The following EXOC6B variants were observed in gnomAD, a reference collection of about 807,000 sequenced individuals.
EXOC6B encodes the protein exocyst complex component 6B.
EXOC6B carries 54 observed loss-of-function variants against 113.5 expected under a neutral mutation model. That is an observed-to-expected ratio of 0.48 (90% CI 0.38 to 0.60). The LOEUF is 0.60. Ranked by LOEUF, EXOC6B falls within the 20% of genes least tolerant of loss-of-function variation. EXOC6B has a pLI of 0.00. For synonymous variants in EXOC6B, 357 were observed against 339.0 expected (o/e 1.05, Z -0.58); for missense variants, 797 against 977.5 (o/e 0.82, Z 2.46).
intron 20 of EXOC6B, among the ~76,000 whole-genome samples, chr2:72,308,864 T>A (rs953829367): frequency 1.3e-5 from 2 of 152,232 alleles, no homozygotes; most frequent in Middle Eastern, 3.4e-3. Context: ...TTACTTTTTA[T>A]TAGTAGGAAA....
chr2:72,319,468 A>T (rs1324035362), intron 20 of EXOC6B, among the ~76,000 whole-genome samples: 1 of 152,196 alleles, frequency 6.6e-6, no homozygotes, highest in Non-Finnish European at 1.5e-5. Context: ...TTATTCACAG[A>T]TGCTGTAATT....
intron 8 of EXOC6B, among the ~76,000 whole-genome samples, chr2:72,556,916 C>A: frequency 6.6e-6 from 1 of 150,508 alleles, no homozygotes; most frequent in African/African-American, 2.4e-5. Flanking sequence ...TCAGTATCTA[C>A]AATATATGAG....
intron 20 of EXOC6B, among the ~76,000 whole-genome samples, chr2:72,197,259 G>T (rs77163565): frequency 4.6e-5 from 7 of 152,286 alleles, no homozygotes; most frequent in Admixed American, 3.9e-4. Flanking sequence ...TCCCAAAAAG[G>T]TTAAAAGAAT....
At chr2:72,365,263 A>G (rs1257957720) in intron 19 of EXOC6B, among the ~76,000 whole-genome samples, 1 of 152,100 alleles carries the variant, frequency 6.6e-6, no homozygotes, top group Non-Finnish European at 1.5e-5. Context: ...ACCCCTAAAA[A>G]TCTTGAAAAG....
intron 18 of EXOC6B, among the ~76,000 whole-genome samples, chr2:72,420,560 C>T (rs1316992070): frequency 6.6e-6 from 1 of 152,178 alleles, no homozygotes; most frequent in East Asian, 1.9e-4. Flanking sequence ...CTGCAAAGGA[C>T]ATGAGCTCAT....
intron 6 of EXOC6B, among the ~76,000 whole-genome samples, chr2:72,650,233 C>T (rs1355252285): frequency 2.6e-5 from 4 of 152,228 alleles, no homozygotes; most frequent in African/African-American, 9.6e-5. Context: ...CCATCCCCTA[C>T]ATCAGTTTGT....
rs142265326 is a variant in EXOC6B at position 72,560,690 on chromosome 2, C to T, written c.847-1169G>A. On this transcript the variant is annotated intron_variant, in intron 7 of 21. Transcript: ENST00000272427. ...TATTGACTATTCTGTTCATCTGCTTCGCACCCATGAGAGCAAAGATTAAAT... is the reference window on the plus strand; with the variant it reads ...TATTGACTATTCTGTTCATCTGCTTTGCACCCATGAGAGCAAAGATTAAAT... 4.1e-3 allele frequency among the ~76,000 whole-genome samples: 630 copies of T among 152,106 alleles called. 6 individuals carry two copies. The highest frequency in any genetic ancestry group is 0.015 in the African/African-American group (607 of 41,500).
At chr2:72,672,970 T>C (rs1325367303) in intron 6 of EXOC6B, among the ~76,000 whole-genome samples, 1 of 152,178 alleles carries the variant, frequency 6.6e-6, no homozygotes, top group Non-Finnish European at 1.5e-5. Context: ...AAAAGATACA[T>C]ATTTAAGGTG....
At chr2:72,408,163 G>A (rs1203277979) in intron 18 of EXOC6B, among the ~76,000 whole-genome samples, 4 of 152,124 alleles carry the variant, frequency 2.6e-5, no homozygotes, top group Admixed American at 1.3e-4. Flanking sequence ...TACAAGGGAC[G>A]TGAAGGACCT....
intron 19 of EXOC6B, among the ~76,000 whole-genome samples, chr2:72,375,126 C>G (rs1395252557): frequency 2.0e-5 from 3 of 151,914 alleles, no homozygotes; most frequent in Non-Finnish European, 4.4e-5. Context: ...AGGGACATAT[C>G]AGTTCTAAGT....
chr2:72,224,724 T>C (rs551093539), intron 20 of EXOC6B, among the ~76,000 whole-genome samples: 1 of 151,966 alleles, frequency 6.6e-6, no homozygotes, highest in South Asian at 2.1e-4. Context: ...CAACCTCCTG[T>C]GCTCAAGTGA....
At chr2:72,641,950 C>T (rs372118359) in intron 6 of EXOC6B, among the ~76,000 whole-genome samples, 30 of 152,342 alleles carry the variant, frequency 2.0e-4, no homozygotes, top group East Asian at 5.8e-4. Context: ...AAAAAGGGTC[C>T]GGAGTGGACC....
At chr2:72,242,721 A>G (rs1010979611) in intron 20 of EXOC6B, among the ~76,000 whole-genome samples, 1 of 152,170 alleles carries the variant, frequency 6.6e-6, no homozygotes, top group Non-Finnish European at 1.5e-5. Flanking sequence ...AGACCCAATT[A>G]TATGTTATAT....
chr2:72,754,772 A>C (rs2104871497), intron 1 of EXOC6B, among the ~76,000 whole-genome samples: 1 of 151,174 alleles, frequency 6.6e-6, no homozygotes, highest in African/African-American at 2.4e-5. Context: ...CACCAACACA[A>C]GCAGCTAATT....
intron 18 of EXOC6B, among the ~76,000 whole-genome samples, chr2:72,439,112 T>G (rs1696046420): frequency 6.6e-6 from 1 of 152,184 alleles, no homozygotes; most frequent in Non-Finnish European, 1.5e-5. Flanking sequence ...AATAAAACAA[T>G]TCTGCCAATC....
intron 1 of EXOC6B, among the ~76,000 whole-genome samples, chr2:72,778,346 G>A (rs1683823570): frequency 6.6e-6 from 1 of 152,020 alleles, no homozygotes; most frequent in African/African-American, 2.4e-5. Context: ...CAAACCAAAG[G>A]AGAGCTAAAA....
chr2:72,324,350 AG>A (rs1337828671), intron 20 of EXOC6B, among the ~76,000 whole-genome samples: 7 of 152,184 alleles, frequency 4.6e-5, no homozygotes, highest in Non-Finnish European at 7.3e-5. Flanking sequence ...AAATGGCAGG[AG>A]CCCCAGTATG....
intron 17 of EXOC6B, among the ~76,000 whole-genome samples, chr2:72,466,344 CAAA>C (rs551509210): frequency 6.1e-5 from 5 of 82,296 alleles, no homozygotes; most frequent in Admixed American, 1.4e-4. Context: ...GACTCCACCT[CAAA>C]AAAAAAAAAA....
chr2:72,819,594 CA>C (rs200849848), intron 1 of EXOC6B, among the ~76,000 whole-genome samples: 2 of 151,352 alleles, frequency 1.3e-5, no homozygotes, highest in African/African-American at 2.4e-5. Flanking sequence ...GAAAAGGAAA[CA>C]AAAAAAATAG....
Sources: allele counts gnomAD v4.1 joint callset (sites outside exome capture counted in the v4.1 genomes callset), GRCh38; gene constraint gnomAD v4.1.1; transcripts MANE v1.5; gene names NCBI Gene and HGNC (gene_info 2026-07-23, HGNC 2026-07-21).